The following NLRP14 variants were observed in gnomAD, a reference collection of about 807,000 sequenced individuals.
The protein encoded by NLRP14 is NLR family pyrin domain containing 14.
In NLRP14, 105 loss-of-function variants were observed where a neutral mutation model predicts 94.7. The observed-to-expected ratio is 1.11, with a 90% confidence interval of 0.95 to 1.30. The LOEUF (loss-of-function observed/expected upper bound fraction) is 1.30, where lower values mean the gene tolerates loss of function less well. NLRP14 is among the 50% of genes most tolerant of loss of function. The pLI, the probability that NLRP14 is intolerant of heterozygous loss-of-function variation, is 0.00. For synonymous variants in NLRP14, 508 were observed against 459.9 expected (o/e 1.10, Z -1.34); for missense variants, 1,362 against 1,254.1 (o/e 1.09, Z -1.30).
intron 6 of NLRP14, among the ~76,000 whole-genome samples, chr11:7,050,918 T>C (rs1852433580): frequency 6.6e-6 from 1 of 152,192 alleles, no homozygotes; most frequent in Non-Finnish European, 1.5e-5. Flanking sequence ...TTCCTATATC[T>C]AAAAATAAAA....
the NLRP14 span, among the ~76,000 whole-genome samples, chr11:7,077,764 A>G: frequency 1.3e-5 from 2 of 152,234 alleles, no homozygotes; most frequent in African/African-American, 2.4e-5. Flanking sequence ...CTTATTCACT[A>G]TCATGAGAAC....
chr11:7,049,943 A>C, intron 6 of NLRP14, 105 bp downstream of exon 6: 2 of 960,836 alleles, frequency 2.1e-6, no homozygotes, highest in Non-Finnish European at 3.4e-6. Flanking sequence ...GACCGGCTTA[A>C]ATCTACTTTC....
chr11:7,078,908 A>G, the NLRP14 span, among the ~76,000 whole-genome samples: 1 of 152,292 alleles, frequency 6.6e-6, no homozygotes, highest in African/African-American at 2.4e-5. Context: ...ACATGTCTGG[A>G]CCATTGAACC....
At chr11:7,047,858 C>G (rs1589864713) in intron 5 of NLRP14, among the ~76,000 whole-genome samples, 1 of 145,896 alleles carries the variant, frequency 6.9e-6, no homozygotes, top group Non-Finnish European at 1.5e-5. Flanking sequence ...CTCCCAGGTT[C>G]AAGCCATTCT....
chr11:7,037,439 TG>T (rs1194764610), intron 1 of NLRP14, among the ~76,000 whole-genome samples: 1 of 152,100 alleles, frequency 6.6e-6, no homozygotes, highest in African/African-American at 2.4e-5. Flanking sequence ...TAGCAAGAAT[TG>T]GGGGAGACAT....
intron 8 of NLRP14, among the ~76,000 whole-genome samples, chr11:7,059,368 CAT>C (rs1364478846): frequency 1.3e-5 from 2 of 151,702 alleles, no homozygotes; most frequent in African/African-American, 4.8e-5. Context: ...AAAAAATACA[CAT>C]ATGTCATCTC....
intron 10 of NLRP14, among the ~76,000 whole-genome samples, chr11:7,065,166 T>C (rs1449638207): frequency 6.6e-6 from 1 of 152,144 alleles, no homozygotes; most frequent in Non-Finnish European, 1.5e-5. Flanking sequence ...TTGAATCGAA[T>C]TGCATTAAAT....
In NLRP14 at chr11:7,059,968, C is replaced by A; in HGVS notation, c.2708C>A (p.Thr903Lys). ...TCTCTTCTACACAACAAGAGCCTGA[C>A]GCATCTGGATCTAGGATCAAACTGG... ...STSLLHNKSL[T>K]HLDLGSNWLQ... Residue 903 changes from threonine to lysine, a missense_variant, in exon 9 of 12, where the codon ACG (threonine) becomes AAG (lysine). Coordinates refer to ENST00000299481, the MANE Select transcript of NLRP14 (RefSeq NM_176822.4). The A allele has an allele frequency of 1.2e-6, 2 of 1,612,392 alleles. No homozygotes were observed. The highest frequency in any genetic ancestry group is 1.3e-5 in the African/African-American group (1 of 74,936).
In NLRP14 at chr11:7,058,301, A is replaced by G. The variant is rs1404179219; in HGVS notation, c.2484A>G (p.Thr828=). Residue 828 remains threonine (T), a synonymous_variant, in exon 8 of 12, where the codon ACA becomes ACG. Coordinates refer to ENST00000299481, the MANE Select transcript of NLRP14 (RefSeq NM_176822.4). ...TCAGCTTAGAAAGCTGTGGTCTCAC[A>G]GAGGCTGGCTGTGAGTATCTTTCTT... ...ERLSLESCGL[T]EAGCEYLSLA... The G allele has an allele frequency of 6.2e-7, 1 of 1,612,676 alleles. No individual in the cohort carries two copies.
At chr11:7,083,602 C>T in the NLRP14 span, among the ~76,000 whole-genome samples, 2,214 of 152,294 alleles carry the variant, frequency 0.015, 28 homozygotes, top group Middle Eastern at 0.027. Flanking sequence ...TCTGCAGTGT[C>T]TGTCTCTTAT....
At chr11:7,021,151 C>T (rs1396209108) in intron 1 of NLRP14, among the ~76,000 whole-genome samples, 1 of 152,186 alleles carries the variant, frequency 6.6e-6, no homozygotes. Flanking sequence ...AATCTGACAA[C>T]ACCACTTACG....
intron 10 of NLRP14, among the ~76,000 whole-genome samples, chr11:7,069,716 T>C (rs1233379452): frequency 6.6e-6 from 1 of 152,120 alleles, no homozygotes; most frequent in Non-Finnish European, 1.5e-5. Flanking sequence ...AACCTCTGCC[T>C]CCTGGGTTCA....
At chr11:7,031,321 G>T (rs1487036940) in intron 1 of NLRP14, among the ~76,000 whole-genome samples, 1 of 152,170 alleles carries the variant, frequency 6.6e-6, no homozygotes, top group Non-Finnish European at 1.5e-5. Context: ...TCCACATTCT[G>T]TGTGGAAAAT....
the NLRP14 span, among the ~76,000 whole-genome samples, chr11:7,076,812 G>C: frequency 1.3e-5 from 2 of 151,994 alleles, no homozygotes; most frequent in Non-Finnish European, 2.9e-5. Flanking sequence ...TTTATTTCCA[G>C]CCTACAGCAC....
intron 1 of NLRP14, among the ~76,000 whole-genome samples, chr11:7,031,035 A>C (rs1168758061): frequency 6.6e-6 from 1 of 152,142 alleles, no homozygotes; most frequent in Non-Finnish European, 1.5e-5. Context: ...GGGTCCAACC[A>C]CCCACGCTGG....
At chr11:7,081,321 G>T in the NLRP14 span, among the ~76,000 whole-genome samples, 6 of 152,220 alleles carry the variant, frequency 3.9e-5, no homozygotes, top group Middle Eastern at 6.8e-3. Context: ...ATCCTGGTCT[G>T]AGCCAAGTGG....
intron 6 of NLRP14, among the ~76,000 whole-genome samples, chr11:7,057,441 A>G (rs371626171): frequency 1.4e-4 from 21 of 152,130 alleles, no homozygotes; most frequent in African/African-American, 5.1e-4. Context: ...TCTCAAATGT[A>G]TTTTCATAGG....
At chr11:7,031,848 GTC>G (rs953096065) in intron 1 of NLRP14, among the ~76,000 whole-genome samples, 1 of 152,152 alleles carries the variant, frequency 6.6e-6, no homozygotes, top group African/African-American at 2.4e-5. Context: ...ATCAGTATCT[GTC>G]TCTCCACTTC....
downstream of NLRP14, among the ~76,000 whole-genome samples, chr11:7,074,009 T>C (rs1852838861): frequency 6.6e-6 from 1 of 152,122 alleles, no homozygotes; most frequent in Non-Finnish European, 1.5e-5. Flanking sequence ...CATGGTTGGT[T>C]CTCCTAGCAA....
Sources: gnomAD v4.1 joint callset for allele counts (sites outside exome capture counted in the v4.1 genomes callset) on GRCh38, gnomAD v4.1.1 for gene constraint, MANE v1.5 for transcripts, NCBI Gene and HGNC (gene_info 2026-07-23, HGNC 2026-07-21) for gene names.